Variants in MEI4 observed in about 807,000 individuals in gnomAD.
MEI4 encodes meiotic double-stranded break formation protein 4.
MEI4 carries 27 observed loss-of-function variants against 31.4 expected under a neutral mutation model. The observed-to-expected ratio is 0.86, with a 90% CI of 0.63 to 1.19. The LOEUF (loss-of-function observed/expected upper bound fraction) is 1.19. MEI4 is among the 50% of genes most tolerant of loss of function. The pLI is 0.00. For synonymous variants in MEI4, 122 were observed against 145.4 expected, an observed-to-expected ratio of 0.84 and a Z score of 1.16; for missense variants, 329 against 398.9, an observed-to-expected ratio of 0.82 and a Z score of 1.49.
chr6:77,735,254 G>A lies in MEI4; in HGVS notation c.233-25876G>A, dbSNP rs936841981. On this transcript the variant is annotated intron_variant, in intron 2 of 4. Coordinates refer to ENST00000684080, the MANE Select transcript of MEI4 (RefSeq NM_001322247.2). ...TTTCCAACTTGGCTCCATTCTCCCC[G>A]TCACTTTCAGGTACACCAATCAGAC... Among the ~76,000 whole-genome samples the A allele has an allele frequency of 3.0e-4, 46 of 151,952 alleles. 3 individuals are homozygous for A. Among genetic ancestry groups the A allele is most frequent in the South Asian group, 1.0e-3 (5 of 4,822 alleles).
At chr6:77,709,830 A>C (rs1175294979) in intron 2 of MEI4, among the ~76,000 whole-genome samples, 1 of 152,222 alleles carries the variant, frequency 6.6e-6, no homozygotes, top group African/African-American at 2.4e-5. Flanking sequence ...ATAACTCCAA[A>C]GTTACTTCTA....
At chr6:77,765,926 A>G (rs1768163156) in intron 3 of MEI4, among the ~76,000 whole-genome samples, 1 of 152,178 alleles carries the variant, frequency 6.6e-6, no homozygotes, top group Non-Finnish European at 1.5e-5. Flanking sequence ...AAAGTATCGC[A>G]AGGACAAAAA....
At chr6:77,736,120 A>C (rs1005433422) in intron 2 of MEI4, among the ~76,000 whole-genome samples, 11 of 152,058 alleles carry the variant, frequency 7.2e-5, no homozygotes, top group African/African-American at 1.2e-4. Context: ...GGTGGAGCCT[A>C]CAGAGGCAGG....
chr6:77,816,540 T>C (rs758563112), intron 3 of MEI4, among the ~76,000 whole-genome samples: 4 of 152,150 alleles, frequency 2.6e-5, no homozygotes, highest in African/African-American at 7.2e-5. Context: ...CAGTCTATCA[T>C]TGATGGACAT....
At chr6:77,710,995 A>T (rs1226744003) in intron 2 of MEI4, among the ~76,000 whole-genome samples, 1 of 152,230 alleles carries the variant, frequency 6.6e-6, no homozygotes, top group Non-Finnish European at 1.5e-5. Context: ...ATTAGAAAGA[A>T]TGGAACCCCC....
At chr6:77,882,646 G>A (rs1186295687) in intron 4 of MEI4, among the ~76,000 whole-genome samples, 1 of 152,160 alleles carries the variant, frequency 6.6e-6, no homozygotes, top group Non-Finnish European at 1.5e-5. Flanking sequence ...AGAGGTATCA[G>A]TGACTTTCCT....
chr6:77,736,400 G>C (rs143155966), intron 2 of MEI4, among the ~76,000 whole-genome samples: 1 of 151,918 alleles, frequency 6.6e-6, no homozygotes, highest in African/African-American at 2.4e-5. Context: ...CGATTTTCCA[G>C]GTGCCATCTG....
chr6:77,784,884 C>CA (rs1352393847), intron 3 of MEI4, among the ~76,000 whole-genome samples: 1 of 152,172 alleles, frequency 6.6e-6, no homozygotes. Context: ...ATTAATCCTT[C>CA]TATTTCTCAT....
In MEI4 at chr6:77,910,018, T is replaced by TA. The variant is rs1472952359; in HGVS notation, c.901-13066dup. Among the ~76,000 whole-genome samples the TA allele has an allele frequency of 4.3e-4, 65 of 152,236 alleles. 1 individual carries two copies. The highest frequency in any genetic ancestry group is 8.1e-4 in the Non-Finnish European group (55 of 68,016). On this transcript the variant is annotated intron_variant, in intron 4 of 4. Transcript: ENST00000684080. ...TGACAAAATTCAACAACCTTCATGCTAAAAACTCTGAATAAATTAGGTATT... is the reference window on the plus strand; with the variant it reads ...TGACAAAATTCAACAACCTTCATGCTAAAAAACTCTGAATAAATTAGGTATT...
rs949953300 is a variant in MEI4 at position 77,838,254 on chromosome 6, T to TC, written c.900+9192_900+9193insC. On this transcript the variant is annotated intron_variant, in intron 4 of 4. Coordinates refer to ENST00000684080, the MANE Select transcript of MEI4 (RefSeq NM_001322247.2). ...GTCTGGGTAACCAGAAATTTTTTTT[T>TC]TTTTACTGTAGGTATGTAAATTTAT... Among the ~76,000 whole-genome samples, 18 of 152,298 alleles carry TC rather than the reference T, an allele frequency of 1.2e-4. No individual in the cohort carries two copies. In the East Asian group the frequency reaches 3.3e-3, roughly 28 times the overall value.
intron 3 of MEI4, among the ~76,000 whole-genome samples, chr6:77,815,478 G>A (rs531959781): frequency 7.2e-5 from 11 of 152,080 alleles, no homozygotes; most frequent in Non-Finnish European, 1.5e-4. Context: ...TTTTAGTAGT[G>A]ATCTAAGGTG....
chr6:77,740,338 G>A (rs753724015), intron 2 of MEI4, among the ~76,000 whole-genome samples: 1 of 152,156 alleles, frequency 6.6e-6, no homozygotes, highest in Non-Finnish European at 1.5e-5. Context: ...ATTTGATCCA[G>A]TGATGAGTTG....
At chr6:77,907,936 A>G (rs1314044374) in intron 4 of MEI4, among the ~76,000 whole-genome samples, 2 of 151,150 alleles carry the variant, frequency 1.3e-5, no homozygotes, top group Non-Finnish European at 2.9e-5. Flanking sequence ...TTTTGGCTGC[A>G]TAAATGTCTT....
intron 3 of MEI4, among the ~76,000 whole-genome samples, chr6:77,795,413 C>T (rs1390736256): frequency 6.6e-6 from 1 of 152,056 alleles, no homozygotes; most frequent in Admixed American, 6.6e-5. Flanking sequence ...AAATACAAGC[C>T]TTTTGTCCTA....
rs140650495 is a variant in MEI4, at chr6:77,910,988, T to A, written c.901-12101T>A. Among the ~76,000 whole-genome samples the A allele has an allele frequency of 4.8e-3, 732 of 151,410 alleles. 2 individuals are homozygous for A. Among genetic ancestry groups the A allele is most frequent in the Middle Eastern group, 0.017 (5 of 292 alleles). ...TCTAACTGGAATGAGACGGATCACA[T>A]TGTAGTTTTTATTTGCATTTCCCTG... On this transcript the variant is annotated intron_variant, in intron 4 of 4. Coordinates refer to ENST00000684080, the MANE Select transcript of MEI4 (RefSeq NM_001322247.2).
At chr6:77,776,966 G>A (rs1768463115) in intron 3 of MEI4, among the ~76,000 whole-genome samples, 1 of 152,134 alleles carries the variant, frequency 6.6e-6, no homozygotes, top group African/African-American at 2.4e-5. Flanking sequence ...AGTAGTCCAG[G>A]TGAGAGTGGA....
At chr6:77,789,651 A>T (rs1367276867) in intron 3 of MEI4, among the ~76,000 whole-genome samples, 1 of 152,234 alleles carries the variant, frequency 6.6e-6, no homozygotes, top group African/African-American at 2.4e-5. Flanking sequence ...GGCACATGAA[A>T]AAATGCTCTT....
chr6:77,711,336 A>ATATATACG lies in MEI4; in HGVS notation c.232+20439_232+20440insCGTATATA, dbSNP rs541544290. ...AAGATATGTATATGTGTATATATGT[A>ATATATACG]TATATATGTGTGTGTGTATATATAT... On this transcript the variant is annotated intron_variant, in intron 2 of 4. Transcript: ENST00000684080. 1.4e-3 allele frequency among the ~76,000 whole-genome samples: 213 copies of ATATATACG among 152,284 alleles called. 1 individual carries two copies. The highest frequency in any genetic ancestry group is 4.5e-3 in the African/African-American group (187 of 41,562).
intron 4 of MEI4, among the ~76,000 whole-genome samples, chr6:77,840,867 C>T (rs1770340237): frequency 6.6e-6 from 1 of 152,158 alleles, no homozygotes; most frequent in Non-Finnish European, 1.5e-5. Flanking sequence ...TTTGGAACAA[C>T]ATCAAGTTGC....
Sources: allele counts gnomAD v4.1 joint callset (sites outside exome capture counted in the v4.1 genomes callset), GRCh38; gene constraint gnomAD v4.1.1; transcripts MANE v1.5; gene names NCBI Gene and HGNC (gene_info 2026-07-23, HGNC 2026-07-21).